TTC16: variants seen among roughly 807,000 people sequenced by gnomAD.
TTC16 encodes tetratricopeptide repeat protein 16.
In TTC16, 66 loss-of-function variants were observed where a neutral mutation model predicts 80.4. That is an observed-to-expected ratio of 0.82 (90% CI 0.67 to 1.01). The LOEUF is 1.01. TTC16 is among the 50% of genes least tolerant of loss of function. The probability of loss-of-function intolerance (pLI) is 0.00; values close to 1 mark genes in which losing one functional copy is unlikely to be tolerated. For missense variants in TTC16, 1,070 were observed against 1,103.2 expected, an observed-to-expected ratio of 0.97 and a Z score of 0.43; for synonymous variants, 438 against 451.3, an observed-to-expected ratio of 0.97 and a Z score of 0.37.
intron 12 of TTC16, chr9:127,729,235 G>A: frequency 4.5e-6 from 1 of 221,168 alleles, no homozygotes; most frequent in South Asian, 6.4e-5. Context: ...GCCTACAGAA[G>A]CTCCTCAAGT....
intron 13 of TTC16, 165 bp downstream of exon 13, chr9:127,729,833 C>T: frequency 1.6e-6 from 1 of 620,950 alleles, no homozygotes; most frequent in Non-Finnish European, 2.8e-6. Context: ...TGTTGCGGGG[C>T]TGCCCAGGAC....
At chr9:127,716,602 C>T (rs1327579961) in intron 1 of TTC16, 5 of 581,886 alleles carry the variant, frequency 8.6e-6, no homozygotes, top group Admixed American at 3.1e-5. Flanking sequence ...GTGTTGTAAG[C>T]ATGAGGACCC....
chr9:127,727,178 C>A, intron 11 of TTC16, 66 bp downstream of exon 11: 2 of 1,517,376 alleles, frequency 1.3e-6, no homozygotes, highest in East Asian at 4.7e-5. Flanking sequence ...GCTCCTCTGG[C>A]TCCAGCTGCA....
chr9:127,719,189 T>G (rs1371862503), intron 4 of TTC16, among the ~76,000 whole-genome samples: 2 of 150,892 alleles, frequency 1.3e-5, no homozygotes, highest in Non-Finnish European at 2.9e-5. Context: ...CCAGCCTGGG[T>G]GACAGAACAA....
chr9:127,725,657 T>C (rs1243839791), intron 9 of TTC16, among the ~76,000 whole-genome samples: 1 of 150,122 alleles, frequency 6.7e-6, no homozygotes, highest in Non-Finnish European at 1.5e-5. Flanking sequence ...TGGAGTGTAA[T>C]GGCGCCATCT....
chr9:127,727,428 C>T lies in TTC16; in HGVS notation c.1727C>T (p.Pro576Leu). The T allele has an allele frequency of 6.2e-7, 1 of 1,605,352 alleles. No homozygotes were observed. Among genetic ancestry groups the T allele is most frequent in the Non-Finnish European group, 8.5e-7 (1 of 1,176,642 alleles). ...PGSSEGEAEA[P>L]EEEEEKEKEK... is the part of the protein sequence containing the mutation. ...AGCTCAGAGGGAGAGGCTGAGGCCC[C>T]TGAGGAGGAGGAAGAAAAGGAGAAG... The change falls in exon 12 of 14, where the codon CCT becomes CTT. Residue 576 changes from proline to leucine, a missense_variant. Transcript: ENST00000373289.
intron 12 of TTC16, 142 bp from the exon 13 acceptor site, chr9:127,729,439 C>CA: frequency 1.5e-6 from 1 of 658,858 alleles, no homozygotes; most frequent in South Asian, 1.8e-5. Context: ...TGCGTGTCCC[C>CA]ACCCCACTCT....
intron 6 of TTC16, 25 bp downstream of exon 6, chr9:127,720,420 G>A: frequency 8.8e-7 from 1 of 1,141,792 alleles, no homozygotes; most frequent in Non-Finnish European, 1.3e-6. Flanking sequence ...GCGGGCAGGG[G>A]CATGCCCCCC....
chr9:127,724,401 G>T, intron 8 of TTC16, 37 bp downstream of exon 8: 1 of 1,605,842 alleles, frequency 6.2e-7, no homozygotes. Context: ...GGGGGGGTGC[G>T]GGGGAGCCTC....
At chr9:127,717,090 C>T (rs1843082767) in intron 2 of TTC16, 74 bp downstream of exon 2, 6 of 1,564,024 alleles carry the variant, frequency 3.8e-6, no homozygotes, top group Non-Finnish European at 5.3e-6. Context: ...CAGCTTTGAG[C>T]CACTTACTCT....
intron 7 of TTC16, 107 bp downstream of exon 7, chr9:127,723,440 G>T: frequency 1.8e-6 from 2 of 1,094,574 alleles, no homozygotes; most frequent in African/African-American, 3.1e-5. Context: ...AGTTTCCCCA[G>T]CTAGCCTCTA....
Position 127,731,128 on chromosome 9 carries a change from G to A in TTC16, c.2345G>A (p.Ser782Asn), listed in dbSNP as rs747141131. The A allele has an allele frequency of 6.2e-7, 1 of 1,611,870 alleles. No individual in the cohort carries two copies. The highest frequency in any genetic ancestry group is 1.1e-5 in the South Asian group (1 of 90,956). Residue 782 changes from serine to asparagine, a missense_variant, in exon 14 of 14, where the codon AGC (serine) becomes AAC (asparagine). Coordinates refer to ENST00000373289, the MANE Select transcript of TTC16 (RefSeq NM_144965.3). ...PRKVKAARGR[S>N]WRPSKVDATQ... ...AAGGTCAAGGCTGCTCGTGGCCGGA[G>A]CTGGAGACCCAGCAAGGTTGATGCC...
At chr9:127,724,461 G>C (rs1843754201) in intron 8 of TTC16, 97 bp downstream of exon 8, 2 of 1,467,320 alleles carry the variant, frequency 1.4e-6, no homozygotes, top group Admixed American at 4.3e-5. Flanking sequence ...GGGGGAAGGA[G>C]GAAGGGAGAG....
rs774787408 is a variant in TTC16, at chr9:127,717,405, T to A, written c.263T>A (p.Leu88His). 1 of 1,613,376 alleles carries A rather than the reference T, an allele frequency of 6.2e-7. No individual in the cohort carries two copies. Among genetic ancestry groups the A allele is most frequent in the East Asian group, 2.2e-5 (1 of 44,872 alleles). The change falls in exon 3 of 14, where the codon CTC becomes CAC. Residue 88 changes from leucine to histidine, a missense_variant. Leu to His is a moderately conservative substitution (Grantham distance 99). Coordinates refer to ENST00000373289, the MANE Select transcript of TTC16 (RefSeq NM_144965.3). ...ETAVLLFSRA[L>H]HLDPQLVDFY... ...GCTGTGCTGCTCTTCTCCCGCGCAC[T>A]CCACCTGGACCCACAGCTGGTGAGA...
In TTC16 at chr9:127,729,660, G is replaced by C; in HGVS notation, c.1844G>C (p.Ser615Thr). 6.2e-7 allele frequency: 1 copy of C among 1,613,474 alleles called. No homozygotes were observed. The highest frequency in any genetic ancestry group is 8.5e-7 in the Non-Finnish European group (1 of 1,179,962). Residue 615 changes from serine to threonine, a missense_variant, in exon 13 of 14, where the codon AGC (serine) becomes ACC (threonine). Coordinates refer to ENST00000373289, the MANE Select transcript of TTC16 (RefSeq NM_144965.3). ...CTTGACCAGACCTCTTCAGCCTCCA[G>C]CATGAGCTGTAAGTCCCTGGTGCTT... is the stretch of plus-strand genomic sequence containing the variant. ...SYLDQTSSASSMSFRTTGTSE... is the reference protein window; with the variant it reads ...SYLDQTSSASTMSFRTTGTSE...
rs745325854 is a variant in TTC16, at chr9:127,721,953, C to T, written c.658-1166C>T. ...CTGGGATTATAGGTGTGTGCCACTG[C>T]GCCCGGCTGAGACTAGTAATTATTG... On this transcript the variant is annotated intron_variant, in intron 6 of 13. Coordinates refer to ENST00000373289, the MANE Select transcript of TTC16 (RefSeq NM_144965.3). Among the ~76,000 whole-genome samples the T allele has an allele frequency of 7.9e-5, 12 of 152,140 alleles. No homozygotes were observed. In the South Asian group the frequency reaches 8.3e-4, roughly 10 times the overall value.
intron 11 of TTC16, 76 bp from the exon 12 acceptor site, chr9:127,727,194 G>T: frequency 6.6e-7 from 1 of 1,521,406 alleles, no homozygotes. Flanking sequence ...CTGCATGACG[G>T]GGCCGTTGTC....
chr9:127,726,213 A>T, intron 9 of TTC16, 26 bp from the exon 10 acceptor site: 6 of 1,533,828 alleles, frequency 3.9e-6, no homozygotes, highest in Non-Finnish European at 5.3e-6. Flanking sequence ...AGCTCATAGC[A>T]GCTTGGGACC....
intron 9 of TTC16, 66 bp from the exon 10 acceptor site, chr9:127,726,173 A>G: frequency 6.9e-7 from 1 of 1,444,764 alleles, no homozygotes. Flanking sequence ...AGTGGGGCCC[A>G]GTAGCCACCA....
Sources: allele counts gnomAD v4.1 joint callset (sites outside exome capture counted in the v4.1 genomes callset), GRCh38; gene constraint gnomAD v4.1.1; transcripts MANE v1.5; gene names NCBI Gene and HGNC (gene_info 2026-07-23, HGNC 2026-07-21).